The following CRIM1 variants were observed in gnomAD, a reference collection of about 807,000 sequenced individuals.
CRIM1 encodes cysteine rich transmembrane BMP regulator 1.
In CRIM1, 32 loss-of-function variants were observed where a neutral mutation model predicts 116.4. The observed-to-expected ratio is 0.27, with a 90% CI of 0.21 to 0.37. The LOEUF (loss-of-function observed/expected upper bound fraction) is 0.37. Ranked by LOEUF, CRIM1 falls within the 10% of genes least tolerant of loss-of-function variation. The probability of loss-of-function intolerance (pLI) is 1.00; values close to 1 mark genes in which losing one functional copy is unlikely to be tolerated. For synonymous variants in CRIM1, 590 were observed against 509.2 expected (o/e 1.16, Z -2.13); for missense variants, 1,331 against 1,354.8 (o/e 0.98, Z 0.28).
At chr2:36,366,076 G>A (rs541921798) in intron 1 of CRIM1, among the ~76,000 whole-genome samples, 1 of 152,322 alleles carries the variant, frequency 6.6e-6, no homozygotes, top group African/African-American at 2.4e-5. Flanking sequence ...CTGAAAATAA[G>A]TATCATTTTT....
At chr2:36,426,299 G>T (rs919260790) in intron 2 of CRIM1, among the ~76,000 whole-genome samples, 2 of 152,070 alleles carry the variant, frequency 1.3e-5, no homozygotes, top group Admixed American at 1.3e-4. Flanking sequence ...TTTATAGGAG[G>T]CCCAGTAATG....
In CRIM1 at chr2:36,547,149, G is replaced by T. The variant is rs1472846332; in HGVS notation, c.2912G>T (p.Cys971Phe). 1 of 1,612,204 alleles carries T rather than the reference G, an allele frequency of 6.2e-7. No homozygotes were observed. The highest frequency in any genetic ancestry group is 8.5e-7 in the Non-Finnish European group (1 of 1,178,950). ...NQKKQWIPLL[C>F]WYRTPTKPSS... ...AAGAAACAGTGGATACCACTGCTTT[G>T]CTGGTATCGAACACCAACTAAGGTA... Residue 971 changes from cysteine to phenylalanine, a missense_variant, in exon 16 of 17, where the codon TGC (cysteine) becomes TTC (phenylalanine). Transcript: ENST00000280527.
At position 36,405,421 on chromosome 2, in the gene CRIM1, C is replaced by T. The variant is rs17408181; in HGVS notation, c.505+8634C>T. Among the ~76,000 whole-genome samples the T allele has an allele frequency of 8.8e-3, 1,337 of 152,288 alleles. 15 individuals are homozygous for T. The highest frequency in any genetic ancestry group is 0.014 in the Non-Finnish European group (980 of 68,020). ...CTCTGCCCCTACCCGCTGTCCCATA[C>T]GGAGCTGAAGGTCCATGGGGAGCCT... is the stretch of plus-strand genomic sequence containing the variant. On this transcript the variant is annotated intron_variant, in intron 2 of 16. Coordinates refer to ENST00000280527, the MANE Select transcript of CRIM1 (RefSeq NM_016441.3).
At chr2:36,503,731 G>C (rs567433277) in intron 8 of CRIM1, among the ~76,000 whole-genome samples, 1 of 151,968 alleles carries the variant, frequency 6.6e-6, no homozygotes. Flanking sequence ...TTCTATTGCA[G>C]CTGCTTTATA....
At chr2:36,393,226 G>C (rs928022970) in intron 1 of CRIM1, among the ~76,000 whole-genome samples, 15 of 152,198 alleles carry the variant, frequency 9.9e-5, no homozygotes, top group African/African-American at 3.6e-4. Context: ...ATGATGCCTA[G>C]TGAGAAATGT....
intron 1 of CRIM1, among the ~76,000 whole-genome samples, chr2:36,372,159 C>G (rs1032888102): frequency 1.3e-4 from 20 of 152,106 alleles, no homozygotes; most frequent in African/African-American, 4.8e-4. Context: ...AATCCTAAGC[C>G]AACAACCTGA....
chr2:36,512,464 C>A (rs559642404), intron 10 of CRIM1, 70 bp downstream of exon 10: 197 of 1,510,544 alleles, frequency 1.3e-4, no homozygotes, highest in Non-Finnish European at 1.7e-4. Context: ...CATAAGGACA[C>A]CCTGTAATGA....
chr2:36,548,656 A>C lies in CRIM1; in HGVS notation c.3066A>C (p.Gln1022His), dbSNP rs1160227529. Residue 1022 changes from glutamine to histidine, a missense_variant, in exon 17 of 17, where the codon CAA becomes CAC. Coordinates refer to ENST00000280527, the MANE Select transcript of CRIM1 (RefSeq NM_016441.3). Reference protein sequence around the residue: ...DARFSGFYSMQKQNHLQADNF... With the variant: ...DARFSGFYSMHKQNHLQADNF... The stretch of plus-strand genomic sequence containing the variant: ...GATTCAGTGGCTTCTACAGCATGCA[A>C]AAACAGAACCATCTACAGGCAGACA... 1 of 1,609,918 alleles carries C rather than the reference A, an allele frequency of 6.2e-7. No homozygotes were observed. Among genetic ancestry groups the C allele is most frequent in the Admixed American group, 1.7e-5 (1 of 58,854 alleles).
chr2:36,395,278 A>G (rs1308811883), intron 1 of CRIM1, among the ~76,000 whole-genome samples: 1 of 152,140 alleles, frequency 6.6e-6, no homozygotes, highest in Non-Finnish European at 1.5e-5. Context: ...CTGGGATTAC[A>G]GGCATGAGCC....
chr2:36,411,584 G>A (rs1673205530), intron 2 of CRIM1, among the ~76,000 whole-genome samples: 1 of 151,978 alleles, frequency 6.6e-6, no homozygotes, highest in South Asian at 2.1e-4. Context: ...ATGTATATAA[G>A]CACATATACA....
chr2:36,525,825 A>G (rs751544713), intron 13 of CRIM1, among the ~76,000 whole-genome samples: 3 of 152,206 alleles, frequency 2.0e-5, no homozygotes, highest in Non-Finnish European at 4.4e-5. Flanking sequence ...GGTCAAAAAA[A>G]AAGTATGCAT....
intron 11 of CRIM1, 135 bp downstream of exon 11, chr2:36,513,900 T>G (rs1664864280): frequency 2.8e-6 from 2 of 703,706 alleles, no homozygotes; most frequent in Non-Finnish European, 4.8e-6. Flanking sequence ...GTGGTTTTTG[T>G]CAACCACCAC....
At chr2:36,382,004 C>T (rs1237640218) in intron 1 of CRIM1, among the ~76,000 whole-genome samples, 1 of 152,156 alleles carries the variant, frequency 6.6e-6, no homozygotes, top group Non-Finnish European at 1.5e-5. Flanking sequence ...GGGTCTGTTA[C>T]CTCCCTCAAA....
Position 36,396,598 on chromosome 2 carries a change from G to A in CRIM1, c.332-16G>A. 7.8e-6 allele frequency: 12 copies of A among 1,532,132 alleles called. No individual in the cohort carries two copies. The highest frequency in any genetic ancestry group is 1.8e-5 in the Admixed American group (1 of 56,538). 94.9% of individuals were successfully genotyped at this position (1,532,132 alleles called of 1,614,324 possible). On this transcript the variant is annotated splice_polypyrimidine_tract_variant and intron_variant, in intron 1 of 16. Coordinates refer to ENST00000280527, the MANE Select transcript of CRIM1 (RefSeq NM_016441.3). Reference sequence around the variant, plus strand: ...AGCTGCAAACACACATTATCTGGTTGTTAATTGTTTTACAGATGAGAACTG... The same window carrying A: ...AGCTGCAAACACACATTATCTGGTTATTAATTGTTTTACAGATGAGAACTG...
chr2:36,369,704 T>C (rs1387925342), intron 1 of CRIM1, among the ~76,000 whole-genome samples: 1 of 152,206 alleles, frequency 6.6e-6, no homozygotes. Flanking sequence ...TAAAAGTTTA[T>C]ACAACAAGGA....
chr2:36,548,031 C>T (rs1166195619), intron 16 of CRIM1, among the ~76,000 whole-genome samples: 1 of 152,182 alleles, frequency 6.6e-6, no homozygotes, highest in Non-Finnish European at 1.5e-5. Flanking sequence ...TGGGCACAGC[C>T]TCTGTGCTGG....
At chr2:36,384,217 A>G (rs10184188) in intron 1 of CRIM1, among the ~76,000 whole-genome samples, 32,573 of 152,150 alleles carry the variant, frequency 0.21, 3,848 homozygotes, top group African/African-American at 0.31. Context: ...GATGTTCCAG[A>G]CAGAGGGAAC....
At chr2:36,362,108 A>G (rs1669260652) in intron 1 of CRIM1, among the ~76,000 whole-genome samples, 1 of 152,130 alleles carries the variant, frequency 6.6e-6, no homozygotes, top group Non-Finnish European at 1.5e-5. Context: ...CACTTAATCA[A>G]GATAAGAAAT....
chr2:36,363,967 C>G (rs944583354), intron 1 of CRIM1, among the ~76,000 whole-genome samples: 1 of 152,206 alleles, frequency 6.6e-6, no homozygotes, highest in Non-Finnish European at 1.5e-5. Flanking sequence ...TTCTGCCATT[C>G]TTCTGCCTGA....
Sources: allele counts gnomAD v4.1 joint callset (sites outside exome capture counted in the v4.1 genomes callset), GRCh38; gene constraint gnomAD v4.1.1; transcripts MANE v1.5; gene names NCBI Gene and HGNC (gene_info 2026-07-23, HGNC 2026-07-21).